Variants in HMGXB3 observed in about 807,000 individuals in gnomAD.
HMGXB3 encodes HMG domain-containing protein 3.
In HMGXB3, 45 loss-of-function variants were observed where a neutral mutation model predicts 121.5. The ratio of observed to expected loss-of-function variants is 0.37; its 90% confidence interval spans 0.29 to 0.47. The LOEUF is 0.47. Among genes scored for constraint, HMGXB3 ranks in the 20% least tolerant of loss-of-function variants. HMGXB3 has a pLI of 0.99. For missense variants in HMGXB3, 1,376 were observed against 1,602.2 expected (o/e 0.86, Z 2.41); for synonymous variants, 590 against 624.1 (o/e 0.95, Z 0.81).
intron 12 of HMGXB3, among the ~76,000 whole-genome samples, chr5:150,037,141 T>C (rs553115284): frequency 6.6e-6 from 1 of 152,326 alleles, no homozygotes; most frequent in East Asian, 1.9e-4. Context: ...ATCACCAGAT[T>C]AGGATTTAGT....
intron 5 of HMGXB3, among the ~76,000 whole-genome samples, chr5:150,013,021 A>C (rs1235551901): frequency 6.6e-6 from 1 of 152,240 alleles, no homozygotes; most frequent in African/African-American, 2.4e-5. Context: ...CTACAAAGTT[A>C]ATCATGCTGT....
intron 3 of HMGXB3, among the ~76,000 whole-genome samples, chr5:150,007,860 G>C (rs938483523): frequency 5.3e-5 from 8 of 152,052 alleles, no homozygotes; most frequent in African/African-American, 1.9e-4. Flanking sequence ...TTTAAGACTA[G>C]CCTGGGCAAG....
At chr5:150,034,527 A>G (rs1447110878) in intron 11 of HMGXB3, among the ~76,000 whole-genome samples, 1 of 152,136 alleles carries the variant, frequency 6.6e-6, no homozygotes, top group Non-Finnish European at 1.5e-5. Context: ...CAGGTGACAT[A>G]GGAAATTATC....
intron 10 of HMGXB3, among the ~76,000 whole-genome samples, chr5:150,031,503 G>A (rs1330834412): frequency 2.0e-5 from 3 of 152,222 alleles, no homozygotes; most frequent in Non-Finnish European, 4.4e-5. Flanking sequence ...TCCTTCTGTG[G>A]TCCTCAGTTT....
At chr5:150,035,389 C>G (rs1322473839) in intron 11 of HMGXB3, among the ~76,000 whole-genome samples, 1 of 152,156 alleles carries the variant, frequency 6.6e-6, no homozygotes, top group Non-Finnish European at 1.5e-5. Context: ...CGATAATCTA[C>G]TCATGAGGGA....
Position 150,045,601 on chromosome 5 carries a change from G to C in HMGXB3, c.2866G>C (p.Ala956Pro). 1 of 1,551,832 alleles carries C rather than the reference G, an allele frequency of 6.4e-7. No homozygotes were observed. The highest frequency in any genetic ancestry group is 8.7e-7 in the Non-Finnish European group (1 of 1,147,046). ...PITKFDASVIAPFFPPLMRGA... is the reference protein window; with the variant it reads ...PITKFDASVIPPFFPPLMRGA... The stretch of plus-strand genomic sequence containing the variant: ...CACCAAATTTGATGCGTCTGTTATT[G>C]CCCCCTTCTTCCCACCACTCATGAG... The change falls in exon 16 of 20, where the codon GCC becomes CCC. Residue 956 changes from alanine to proline, a missense_variant. Physicochemically the swap from Ala to Pro is conservative, Grantham distance 27. Transcript: ENST00000502717.
chr5:150,011,827 G>A (rs1755848029), intron 4 of HMGXB3, among the ~76,000 whole-genome samples: 1 of 151,876 alleles, frequency 6.6e-6, no homozygotes, highest in African/African-American at 2.4e-5. Context: ...GGCCAGGCTG[G>A]TCTTGAACTC....
chr5:150,033,948 C>T (rs899189447), intron 11 of HMGXB3, among the ~76,000 whole-genome samples: 1 of 152,126 alleles, frequency 6.6e-6, no homozygotes. Context: ...GGGAAAAACA[C>T]TGGGGCTGGG....
At chr5:150,047,399 C>T (rs890198179) in intron 16 of HMGXB3, 39 of 514,582 alleles carry the variant, frequency 7.6e-5, no homozygotes, top group Middle Eastern at 1.0e-3. Flanking sequence ...TTTTCAGTGG[C>T]GGTATGCAGG....
At position 150,004,879 on chromosome 5, in the gene HMGXB3, G is replaced by A; in HGVS notation, c.27G>A (p.Glu9=). The A allele has an allele frequency of 6.4e-7, 1 of 1,551,580 alleles. No individual in the cohort carries two copies. The highest frequency in any genetic ancestry group is 8.7e-7 in the Non-Finnish European group (1 of 1,146,894). The change falls in exon 2 of 20, where the codon GAG becomes GAA. Residue 9 remains glutamate, a synonymous_variant. Coordinates refer to ENST00000502717, the MANE Select transcript of HMGXB3 (RefSeq NM_014983.3). MDASYDGT[E]VTVVMEEIEE... ...TGGACGCATCATATGATGGTACTGA[G>A]GTAACTGTCGTGATGGAGGAAATTG... is the stretch of plus-strand genomic sequence containing the variant.
At chr5:150,025,127 C>A (rs1204688640) in intron 7 of HMGXB3, among the ~76,000 whole-genome samples, 1 of 152,202 alleles carries the variant, frequency 6.6e-6, no homozygotes, top group African/African-American at 2.4e-5. Flanking sequence ...CACCTCAGTT[C>A]TCTCCTCTGA....
rs1361911292 is a variant in HMGXB3, at chr5:150,001,060, C to G, written c.-122C>G. The G allele has an allele frequency of 1.3e-5, 2 of 154,300 alleles. No homozygotes were observed. Among genetic ancestry groups the G allele is most frequent in the East Asian group, 3.8e-4 (2 of 5,198 alleles). 9.6% of individuals were successfully genotyped at this position (154,300 alleles called of 1,614,324 possible). On this transcript the variant is annotated 5_prime_UTR_variant, in exon 1 of 20. Coordinates refer to ENST00000502717, the MANE Select transcript of HMGXB3 (RefSeq NM_014983.3). ...CTCCACTTCCTTGTTGCTGCTGTCACGACTGGAGCCGCCTCTCGCCGACAG... is the reference window on the plus strand; with the variant it reads ...CTCCACTTCCTTGTTGCTGCTGTCAGGACTGGAGCCGCCTCTCGCCGACAG...
intron 11 of HMGXB3, 28 bp from the exon 12 acceptor site, chr5:150,036,608 C>A: frequency 6.7e-7 from 1 of 1,502,570 alleles, no homozygotes; most frequent in Non-Finnish European, 8.9e-7. Flanking sequence ...GCTCTGAGTG[C>A]TTGGTGATCA....
At chr5:150,041,338 C>G (rs1756629519) in intron 14 of HMGXB3, among the ~76,000 whole-genome samples, 1 of 152,210 alleles carries the variant, frequency 6.6e-6, no homozygotes, top group African/African-American at 2.4e-5. Flanking sequence ...CCCCCTCTAC[C>G]TTACCTGCTG....
intron 10 of HMGXB3, among the ~76,000 whole-genome samples, chr5:150,031,371 C>T (rs1273856320): frequency 6.6e-6 from 1 of 152,234 alleles, no homozygotes; most frequent in Admixed American, 6.5e-5. Context: ...ACATTGGGAT[C>T]ACCCTTTTGT....
chr5:150,024,720 G>A (rs1561865812), intron 7 of HMGXB3, 40 bp downstream of exon 7: 1 of 1,442,760 alleles, frequency 6.9e-7, no homozygotes, highest in Non-Finnish European at 9.2e-7. Flanking sequence ...CTTTGGAAAT[G>A]CCCCATGTTT....
chr5:150,004,965 A>G lies in HMGXB3; in HGVS notation c.113A>G (p.His38Arg), dbSNP rs199722999. ...PPKKKKKYKI[H>R]GEKTKKPRSA... ...AAGAAGAAGAAAAAGTATAAAATACATGGAGAAAAGACAAAGAAACCCAGG... is the reference window on the plus strand; with the variant it reads ...AAGAAGAAGAAAAAGTATAAAATACGTGGAGAAAAGACAAAGAAACCCAGG... The change falls in exon 2 of 20, where the codon CAT becomes CGT. Residue 38 changes from histidine to arginine, a missense_variant. Around this residue, in one of 2 missense-constraint regions of HMGXB3, gnomAD observed 1,116 missense variants for 1,369.0 expected, o/e 0.82. Transcript: ENST00000502717. 4.5e-6 allele frequency: 7 copies of G among 1,550,720 alleles called. No individual in the cohort carries two copies. The highest frequency in any genetic ancestry group is 1.2e-5 in the South Asian group (1 of 83,628).
intron 13 of HMGXB3, among the ~76,000 whole-genome samples, chr5:150,039,145 G>A (rs913080488): frequency 5.3e-5 from 8 of 152,280 alleles, no homozygotes; most frequent in East Asian, 1.9e-4. Context: ...GTGTGTCTCC[G>A]TATAAACTGT....
intron 10 of HMGXB3, among the ~76,000 whole-genome samples, chr5:150,032,064 G>C (rs1270912476): frequency 6.6e-6 from 1 of 152,086 alleles, no homozygotes; most frequent in African/African-American, 2.4e-5. Context: ...AGAGCTTTGA[G>C]CTTTAATAGT....
Sources: allele counts gnomAD v4.1 joint callset (sites outside exome capture counted in the v4.1 genomes callset), GRCh38; gene constraint gnomAD v4.1.1; regional missense constraint gnomAD v4.1.1; transcripts MANE v1.5; gene names NCBI Gene and HGNC (gene_info 2026-07-23, HGNC 2026-07-21).